PDE4D: variants seen among roughly 807,000 people sequenced by gnomAD.
PDE4D encodes phosphodiesterase 4D, also known as 3',5'-cyclic-AMP phosphodiesterase 4D.
A neutral mutation model predicts 87.4 loss-of-function variants in PDE4D; 24 were observed. The ratio of observed to expected loss-of-function variants is 0.27; its 90% CI spans 0.20 to 0.39. PDE4D has a LOEUF of 0.39. Ranked by LOEUF, PDE4D falls within the 10% of genes least tolerant of loss-of-function variation. The pLI, the probability that PDE4D is intolerant of heterozygous loss-of-function variation, is 1.00. For missense variants in PDE4D, 714 were observed against 1,041.0 expected (o/e 0.69, Z 4.32); for synonymous variants, 384 against 383.2 (o/e 1.00, Z -0.02).
At chr5:59,515,302 G>A (rs1422168759) in intron 1 of PDE4D, among the ~76,000 whole-genome samples, 3 of 152,156 alleles carry the variant, frequency 2.0e-5, no homozygotes, top group Non-Finnish European at 4.4e-5. Context: ...TTTTGGACAA[G>A]TGTCCTCACT....
chr5:59,769,076 CT>C (rs34305501), intron 1 of PDE4D, among the ~76,000 whole-genome samples: 4,002 of 149,230 alleles, frequency 0.027, 178 homozygotes, highest in African/African-American at 0.093. Context: ...TTTTTTCTCT[CT>C]TTTTTTTTTA....
At chr5:59,881,915 T>C (rs1295086450) in intron 1 of PDE4D, among the ~76,000 whole-genome samples, 1 of 152,108 alleles carries the variant, frequency 6.6e-6, no homozygotes, top group Non-Finnish European at 1.5e-5. Context: ...TATGAGTAGG[T>C]GTTATAAAAC....
At chr5:60,422,896 T>C (rs981257550) in intron 1 of PDE4D, among the ~76,000 whole-genome samples, 1 of 152,182 alleles carries the variant, frequency 6.6e-6, no homozygotes, top group African/African-American at 2.4e-5. Context: ...GTTGCAATCC[T>C]GGTCTCTGAC....
intron 1 of PDE4D, among the ~76,000 whole-genome samples, chr5:59,576,953 C>T (rs867902123): frequency 3.9e-5 from 6 of 152,268 alleles, no homozygotes; most frequent in Middle Eastern, 3.4e-3. Context: ...CTACGGTTTT[C>T]TCAATTTGCC....
chr5:59,062,977 T>A (rs1257584743), intron 5 of PDE4D: 11 of 152,124 alleles, frequency 7.2e-5, no homozygotes, highest in Non-Finnish European at 1.2e-4. Flanking sequence ...AAGCTCTAAG[T>A]AATTCTAAGA....
intron 1 of PDE4D, among the ~76,000 whole-genome samples, chr5:59,685,235 A>G (rs940884986): frequency 3.9e-5 from 6 of 152,158 alleles, no homozygotes; most frequent in Non-Finnish European, 8.8e-5. Flanking sequence ...GGAATTTATA[A>G]CTTCCTTTTG....
At chr5:60,003,144 T>A (rs552942570) in intron 2 of PDE4D, among the ~76,000 whole-genome samples, 19 of 151,924 alleles carry the variant, frequency 1.3e-4, no homozygotes, top group Non-Finnish European at 2.6e-4. Flanking sequence ...AGAAAAACAA[T>A]CCCATTTAAT....
At chr5:59,745,285 G>A (rs544788344) in intron 1 of PDE4D, among the ~76,000 whole-genome samples, 8 of 152,222 alleles carry the variant, frequency 5.3e-5, no homozygotes, top group South Asian at 2.1e-4. Context: ...AAAAATTCTC[G>A]GGTGATGCTA....
At chr5:59,160,750 C>G (rs1561595737) in intron 5 of PDE4D, among the ~76,000 whole-genome samples, 1 of 152,122 alleles carries the variant, frequency 6.6e-6, no homozygotes, top group African/African-American at 2.4e-5. Flanking sequence ...AACTAACTCC[C>G]TTAGTGGCAG....
At chr5:59,008,934 A>G (rs1440620147) in intron 6 of PDE4D, among the ~76,000 whole-genome samples, 2 of 152,144 alleles carry the variant, frequency 1.3e-5, no homozygotes, top group Non-Finnish European at 1.5e-5. Flanking sequence ...CAAACACTTC[A>G]TAAGAATCAA....
chr5:59,026,630 T>A (rs1756302881), intron 6 of PDE4D, among the ~76,000 whole-genome samples: 1 of 151,840 alleles, frequency 6.6e-6, no homozygotes, highest in African/African-American at 2.4e-5. Context: ...GAATTACAAA[T>A]AAAAGTTCTG....
At chr5:60,452,199 A>G (rs2150153556) in intron 1 of PDE4D, among the ~76,000 whole-genome samples, 1 of 152,250 alleles carries the variant, frequency 6.6e-6, no homozygotes, top group Middle Eastern at 3.4e-3. Flanking sequence ...AATCTCTGAG[A>G]AAACACTAAA....
At chr5:59,405,094 G>GA (rs1278416335) in intron 1 of PDE4D, among the ~76,000 whole-genome samples, 1 of 78,110 alleles carries the variant, frequency 1.3e-5, no homozygotes, top group Non-Finnish European at 2.5e-5. Flanking sequence ...TGAATTTTAA[G>GA]ATATTTTTCT....
chr5:59,371,225 A>C (rs1020761850), intron 1 of PDE4D, among the ~76,000 whole-genome samples: 6 of 152,248 alleles, frequency 3.9e-5, no homozygotes, highest in African/African-American at 1.4e-4. Context: ...TGGACTGTGA[A>C]GGAACTTGAA....
chr5:60,264,455 C>G (rs936072748), intron 1 of PDE4D, among the ~76,000 whole-genome samples: 19 of 152,186 alleles, frequency 1.2e-4, no homozygotes, highest in Admixed American at 2.6e-4. Flanking sequence ...CCAGGCCCCA[C>G]GCTCTCATTG....
intron 1 of PDE4D, among the ~76,000 whole-genome samples, chr5:59,220,377 C>CAAAAAAAAAAAAAAAAAAAAAAAA (rs57610513): frequency 5.5e-5 from 2 of 36,130 alleles, no homozygotes; most frequent in Admixed American, 4.0e-4. Context: ...GACTCTGTCT[C>CAAAAAAAAAAAAAAAAAAAAAAAA]AAAAAAAAAA....
intron 3 of PDE4D, among the ~76,000 whole-genome samples, chr5:59,945,195 T>C (rs1757606932): frequency 6.6e-6 from 1 of 152,236 alleles, no homozygotes; most frequent in Non-Finnish European, 1.5e-5. Context: ...TACTGCATTA[T>C]TGGAGCAGAA....
At chr5:59,868,800 C>T (rs1747411032) in intron 1 of PDE4D, among the ~76,000 whole-genome samples, 2 of 152,328 alleles carry the variant, frequency 1.3e-5, no homozygotes, top group South Asian at 4.1e-4. Flanking sequence ...GTTTCTCACA[C>T]TGGCTAAACA....
intron 2 of PDE4D, among the ~76,000 whole-genome samples, chr5:60,155,778 C>T (rs1781914075): frequency 6.7e-6 from 1 of 150,242 alleles, no homozygotes; most frequent in Non-Finnish European, 1.5e-5. Flanking sequence ...TTTCAGAGGC[C>T]TTCGACTTCT....
Sources: gnomAD v4.1 joint callset for allele counts (sites outside exome capture counted in the v4.1 genomes callset) on GRCh38, gnomAD v4.1.1 for gene constraint, MANE v1.5 for transcripts, NCBI Gene and HGNC (gene_info 2026-07-23, HGNC 2026-07-21) for gene names.